ARHGAP12: variants seen among roughly 807,000 people sequenced by gnomAD.
The protein encoded by ARHGAP12 is Rho GTPase activating protein 12.
ARHGAP12 carries 64 observed loss-of-function variants against 108.6 expected under a neutral mutation model. That is an observed-to-expected ratio of 0.59 (90% CI 0.48 to 0.73). The LOEUF (loss-of-function observed/expected upper bound fraction) is 0.73. Among genes scored for constraint, ARHGAP12 ranks in the 30% least tolerant of loss-of-function variants. ARHGAP12 has a pLI of 0.00. For missense variants in ARHGAP12, 940 were observed against 1,005.9 expected (o/e 0.93, Z 0.89); for synonymous variants, 312 against 337.2 (o/e 0.93, Z 0.82).
intron 4 of ARHGAP12, among the ~76,000 whole-genome samples, chr10:31,856,315 A>G (rs1316237210): frequency 1.3e-5 from 2 of 152,112 alleles, no homozygotes; most frequent in Non-Finnish European, 2.9e-5. Flanking sequence ...CCAGACCCCA[A>G]ACTAAAATGT....
intron 3 of ARHGAP12, among the ~76,000 whole-genome samples, chr10:31,867,241 T>C (rs914079069): frequency 6.6e-6 from 1 of 151,912 alleles, no homozygotes; most frequent in Non-Finnish European, 1.5e-5. Flanking sequence ...ATTAGTTCCA[T>C]ACTTAAAATC....
chr10:31,922,231 A>G (rs1242559511), intron 1 of ARHGAP12, among the ~76,000 whole-genome samples: 1 of 149,184 alleles, frequency 6.7e-6, no homozygotes, highest in Non-Finnish European at 1.5e-5. Flanking sequence ...ACAGATCAGT[A>G]AAACTGACAA....
intron 9 of ARHGAP12, among the ~76,000 whole-genome samples, chr10:31,838,125 A>C (rs1238247739): frequency 6.6e-6 from 1 of 152,222 alleles, no homozygotes; most frequent in Non-Finnish European, 1.5e-5. Context: ...TGAGGAAATA[A>C]AAGTTCAAAC....
At chr10:31,855,435 A>G (rs1836853025) in intron 4 of ARHGAP12, among the ~76,000 whole-genome samples, 1 of 152,218 alleles carries the variant, frequency 6.6e-6, no homozygotes. Flanking sequence ...TTCTATCATC[A>G]TAATTTGGTC....
At chr10:31,819,252 G>A (rs978779133) in intron 12 of ARHGAP12, among the ~76,000 whole-genome samples, 2 of 152,226 alleles carry the variant, frequency 1.3e-5, no homozygotes, top group African/African-American at 2.4e-5. Flanking sequence ...GTTGGTGCTC[G>A]AGGCAGAACA....
intron 10 of ARHGAP12, chr10:31,826,960 T>C (rs917093552): frequency 2.0e-5 from 3 of 152,216 alleles, no homozygotes; most frequent in African/African-American, 4.8e-5. Context: ...GCAACACATA[T>C]ACGGTATGCA....
At chr10:31,831,430 C>G (rs1170347263) in intron 10 of ARHGAP12, among the ~76,000 whole-genome samples, 1 of 152,046 alleles carries the variant, frequency 6.6e-6, no homozygotes, top group Non-Finnish European at 1.5e-5. Context: ...TGACTTTTCA[C>G]TCAATACTTA....
chr10:31,835,968 G>A (rs1224749920), intron 9 of ARHGAP12, among the ~76,000 whole-genome samples: 1 of 152,068 alleles, frequency 6.6e-6, no homozygotes, highest in East Asian at 1.9e-4. Flanking sequence ...CCACTGAACT[G>A]TACCCTTTAA....
At position 31,806,509 on chromosome 10, in the gene ARHGAP12, A is replaced by G. The variant is rs1346208399; in HGVS notation, c.*1149T>C. 2.6e-5 allele frequency: 4 copies of G among 152,608 alleles called. No homozygotes were observed. The highest frequency in any genetic ancestry group is 4.4e-5 in the Non-Finnish European group (3 of 68,030). 9.5% of individuals were successfully genotyped at this position (152,608 alleles called of 1,614,324 possible). ...GTCATTTTCCATCCAACATCCATCT[A>G]ATTTACAGATGGGTTTCCACTATTC... On this transcript the variant is annotated 3_prime_UTR_variant, in exon 20 of 20. Coordinates refer to ENST00000344936, the MANE Select transcript of ARHGAP12 (RefSeq NM_018287.7).
chr10:31,864,331 C>T lies in ARHGAP12; in HGVS notation c.685-2673G>A, dbSNP rs551141533. ...TCATTCATAATAGGAAAAAAACTAA[C>T]ACAAATAAGCCTTAAAAGAAATGTA... On this transcript the variant is annotated intron_variant, in intron 3 of 19. Transcript: ENST00000344936. 6.6e-5 allele frequency among the ~76,000 whole-genome samples: 10 copies of T among 152,096 alleles called. No individual in the cohort carries two copies. In the East Asian group the frequency reaches 1.9e-3, roughly 29 times the overall value.
chr10:31,839,666 A>G lies in ARHGAP12; in HGVS notation c.1342T>C (p.Ser448Pro), dbSNP rs762733563. The change falls in exon 8 of 20, where the codon TCT becomes CCT. Residue 448 changes from serine (S) to proline (P), a missense_variant. Transcript: ENST00000344936. ...SKPCFPENES[S>P]PSSPKHQDTA... ...TCTTGGTGCTTTGGTGAGGAGGGAG[A>G]AGACTCATTTTCAGGAAAGCAGGGT... 1 of 1,609,004 alleles carries G rather than the reference A, an allele frequency of 6.2e-7. No individual in the cohort carries two copies. The highest frequency in any genetic ancestry group is 8.5e-7 in the Non-Finnish European group (1 of 1,176,674).
intron 3 of ARHGAP12, among the ~76,000 whole-genome samples, chr10:31,865,699 C>A (rs981834317): frequency 2.6e-5 from 4 of 151,880 alleles, no homozygotes; most frequent in East Asian, 3.9e-4. Context: ...CATGCCGAAA[C>A]CCCATCTCTA....
chr10:31,845,490 G>T (rs1836422232), intron 6 of ARHGAP12, among the ~76,000 whole-genome samples: 1 of 152,086 alleles, frequency 6.6e-6, no homozygotes, highest in Admixed American at 6.6e-5. Context: ...GTCATTGTAA[G>T]AAAGTGATTT....
At chr10:31,834,601 T>C (rs762789470) in intron 9 of ARHGAP12, among the ~76,000 whole-genome samples, 17 of 152,202 alleles carry the variant, frequency 1.1e-4, no homozygotes, top group Non-Finnish European at 1.3e-4. Context: ...CAAAGTACAA[T>C]TGTGTATTTT....
At chr10:31,876,046 T>C (rs1837718081) in intron 3 of ARHGAP12, among the ~76,000 whole-genome samples, 1 of 142,406 alleles carries the variant, frequency 7.0e-6, no homozygotes, top group East Asian at 1.9e-4. Flanking sequence ...TATTCATCCA[T>C]CAATAGACAC....
chr10:31,888,454 G>T (rs1838269096), intron 3 of ARHGAP12, among the ~76,000 whole-genome samples: 1 of 152,220 alleles, frequency 6.6e-6, no homozygotes, highest in Non-Finnish European at 1.5e-5. Context: ...GATCCTGGCA[G>T]GTGCCAAAAC....
intron 12 of ARHGAP12, among the ~76,000 whole-genome samples, chr10:31,818,784 C>T (rs2799015): frequency 0.46 from 70,088 of 151,988 alleles, 16,451 homozygotes; most frequent in Admixed American, 0.51. Flanking sequence ...CAAGATGTCA[C>T]AGGCTTTTGA....
chr10:31,839,550 TAAAC>T, intron 8 of ARHGAP12, 83 bp downstream of exon 8: 1 of 1,287,018 alleles, frequency 7.8e-7, no homozygotes, highest in South Asian at 1.5e-5. Flanking sequence ...GAAGCTCATT[TAAAC>T]ATTACATTAA....
chr10:31,876,847 T>A (rs1837751619), intron 3 of ARHGAP12, among the ~76,000 whole-genome samples: 1 of 152,230 alleles, frequency 6.6e-6, no homozygotes, highest in African/African-American at 2.4e-5. Context: ...TTGAGTATCC[T>A]TTAAGGGCAG....
Sources: gnomAD v4.1 joint callset for allele counts (sites outside exome capture counted in the v4.1 genomes callset) on GRCh38, gnomAD v4.1.1 for gene constraint, MANE v1.5 for transcripts, NCBI Gene and HGNC (gene_info 2026-07-23, HGNC 2026-07-21) for gene names.